Variants in TAOK1 observed in about 807,000 individuals in gnomAD.
TAOK1 encodes the protein serine/threonine-protein kinase TAO1.
Under a neutral mutation model 138.3 loss-of-function variants are expected in TAOK1, and 21 were observed. The observed-to-expected ratio is 0.15, with a 90% CI of 0.11 to 0.22. The LOEUF (loss-of-function observed/expected upper bound fraction) is 0.22, where lower values mean the gene tolerates loss of function less well. Ranked by LOEUF, TAOK1 falls within the 10% of genes least tolerant of loss-of-function variation. TAOK1 has a pLI of 1.00. For synonymous variants in TAOK1, 361 were observed against 398.4 expected (o/e 0.91, Z 1.12); for missense variants, 651 against 1,227.7 (o/e 0.53, Z 7.02).
chr17:29,448,029 T>A (rs913003954), intron 1 of TAOK1, among the ~76,000 whole-genome samples: 14 of 150,318 alleles, frequency 9.3e-5, no homozygotes, highest in South Asian at 6.3e-4. Flanking sequence ...TCTTTTTTTT[T>A]ATTATTTTTG....
intron 18 of TAOK1, among the ~76,000 whole-genome samples, chr17:29,532,660 G>C (rs2032140695): frequency 6.6e-6 from 1 of 152,086 alleles, no homozygotes. Flanking sequence ...ACCGGGTTGG[G>C]GGTAAGGTCA....
intron 10 of TAOK1, among the ~76,000 whole-genome samples, chr17:29,493,355 G>A (rs994244772): frequency 1.3e-5 from 2 of 151,832 alleles, no homozygotes; most frequent in African/African-American, 2.4e-5. Context: ...TTAGCCGGAC[G>A]TGGTGGCGCA....
chr17:29,427,688 A>T (rs572885614), intron 1 of TAOK1, among the ~76,000 whole-genome samples: 1 of 152,072 alleles, frequency 6.6e-6, no homozygotes, highest in East Asian at 1.9e-4. Context: ...GCACTTTGGG[A>T]AGCCAAGGTG....
chr17:29,523,665 C>T (rs189453414), intron 17 of TAOK1, among the ~76,000 whole-genome samples: 2 of 152,306 alleles, frequency 1.3e-5, no homozygotes, highest in East Asian at 3.9e-4. Context: ...GGATTACAGG[C>T]ATGAACCACC....
In TAOK1 at chr17:29,429,367, C is replaced by T. The variant is rs115603346; in HGVS notation, c.-94-22088C>T. Among the ~76,000 whole-genome samples the T allele has an allele frequency of 3.3e-3, 495 of 152,096 alleles. 6 individuals carry two copies. The highest frequency in any genetic ancestry group is 0.011 in the African/African-American group (474 of 41,472). ...TGGGGGACACTACACCCTCCATCTC[C>T]TGGGTTCAGGTGATTCTTGTGTCTC... is the stretch of plus-strand genomic sequence containing the variant. On this transcript the variant is annotated intron_variant, in intron 1 of 19. Coordinates refer to ENST00000261716, the MANE Select transcript of TAOK1 (RefSeq NM_020791.4).
chr17:29,404,524 T>C (rs571476685), intron 1 of TAOK1, among the ~76,000 whole-genome samples: 1 of 152,252 alleles, frequency 6.6e-6, no homozygotes, highest in African/African-American at 2.4e-5. Flanking sequence ...AGGCATGATA[T>C]CTTCCGCCTG....
rs897914487 is a variant in TAOK1, at chr17:29,425,682, CAAACA to C, written c.-94-25769_-94-25765del. ...TTGTCAAAAATGAAAAACAAACAAA[CAAACA>C]AAAAAACCAAACTTTTTACTTTAGT... On this transcript the variant is annotated intron_variant, in intron 1 of 19. Transcript: ENST00000261716. 1.4e-4 allele frequency among the ~76,000 whole-genome samples: 18 copies of C among 126,138 alleles called. No individual in the cohort carries two copies. The East Asian group carries it at 2.7e-3, about 19-fold the overall frequency. 82.8% of individuals were successfully genotyped at this position (126,138 alleles called of 152,430 possible). A position where few individuals can be genotyped will look rare whatever the true frequency, so the allele number is the denominator to read the frequency against.
At position 29,546,232 on chromosome 17, in the gene TAOK1, A is replaced by T. The variant is rs1035760974; in HGVS notation, c.*3210A>T. 1.6e-4 allele frequency: 24 copies of T among 152,224 alleles called. No individual in the cohort carries two copies. The highest frequency in any genetic ancestry group is 5.8e-4 in the African/African-American group (24 of 41,560). The allele number at this position is 152,224 out of a possible 1,614,324, so 9.4% of individuals were successfully genotyped here. A position where few individuals can be genotyped will look rare whatever the true frequency, so the allele number is the denominator to read the frequency against. On this transcript the variant is annotated 3_prime_UTR_variant, in exon 20 of 20. Coordinates refer to ENST00000261716, the MANE Select transcript of TAOK1 (RefSeq NM_020791.4). ...ATTTGAAGCCACACACACTGGTGTA[A>T]TATGCTTAGTACTCTAGGTCAAGGA...
At chr17:29,412,159 C>T (rs989808524) in intron 1 of TAOK1, among the ~76,000 whole-genome samples, 2 of 152,264 alleles carry the variant, frequency 1.3e-5, no homozygotes, top group African/African-American at 2.4e-5. Context: ...TCTCCTGCCT[C>T]GGCCTCCCGA....
chr17:29,542,704 C>T lies in TAOK1; in HGVS notation c.2688C>T (p.Ser896=). ...GFSNMVLSNL[S]PEAFSHSYPG... is the part of the protein sequence containing the mutation. Reference sequence around the variant, plus strand: ...GTAATATGGTCCTTTCTAATCTCTCCCCTGAGGCATTCAGCCACAGCTACC... The same window carrying T: ...GTAATATGGTCCTTTCTAATCTCTCTCCTGAGGCATTCAGCCACAGCTACC... Residue 896 remains serine, a synonymous_variant, in exon 20 of 20, where the codon TCC becomes TCT. Transcript: ENST00000261716. 6.2e-7 allele frequency: 1 copy of T among 1,614,208 alleles called. No individual in the cohort carries two copies. Among genetic ancestry groups the T allele is most frequent in the Non-Finnish European group, 8.5e-7 (1 of 1,180,038 alleles).
At chr17:29,469,393 CG>C (rs548454797) in intron 3 of TAOK1, among the ~76,000 whole-genome samples, 108 of 152,196 alleles carry the variant, frequency 7.1e-4, no homozygotes, top group African/African-American at 2.5e-3. Context: ...AGTGCATTCA[CG>C]TTGTGCAACC....
chr17:29,521,352 T>C (rs1190905642), intron 16 of TAOK1, among the ~76,000 whole-genome samples: 1 of 152,256 alleles, frequency 6.6e-6, no homozygotes, highest in Non-Finnish European at 1.5e-5. Flanking sequence ...CTGTGAGGTC[T>C]AAAATAAAGG....
At chr17:29,418,951 T>C (rs1324535015) in intron 1 of TAOK1, among the ~76,000 whole-genome samples, 1 of 143,226 alleles carries the variant, frequency 7.0e-6, no homozygotes, top group Non-Finnish European at 1.5e-5. Context: ...TTTTTTTATG[T>C]ATGTTTTAGA....
chr17:29,436,325 A>G (rs901346573), intron 1 of TAOK1, among the ~76,000 whole-genome samples: 4 of 152,220 alleles, frequency 2.6e-5, no homozygotes, highest in African/African-American at 9.6e-5. Context: ...TTGACTCTGA[A>G]AAACCAAACA....
chr17:29,406,817 C>T (rs977442233), intron 1 of TAOK1, among the ~76,000 whole-genome samples: 5 of 152,146 alleles, frequency 3.3e-5, no homozygotes, highest in Admixed American at 1.3e-4. Flanking sequence ...ATCCTCACAC[C>T]TCGGCCTCCC....
rs1417722923 is a variant in TAOK1 at position 29,495,550 on chromosome 17, C to T, written c.832-10C>T. On this transcript the variant is annotated splice_polypyrimidine_tract_variant and intron_variant, in intron 10 of 19. Coordinates refer to ENST00000261716, the MANE Select transcript of TAOK1 (RefSeq NM_020791.4). Reference sequence around the variant, plus strand: ...AAAAAAATCAACCTTTTACCTTCTACCCTATCTAGCACATATTTGTTCTTC... The same window carrying T: ...AAAAAAATCAACCTTTTACCTTCTATCCTATCTAGCACATATTTGTTCTTC... The T allele has an allele frequency of 1.3e-6, 2 of 1,563,388 alleles. No homozygotes were observed. Among genetic ancestry groups the T allele is most frequent in the Admixed American group, 1.8e-5 (1 of 55,792 alleles).
intron 8 of TAOK1, 123 bp from the exon 9 acceptor site, chr17:29,489,541 T>C (rs962922116): frequency 2.2e-5 from 14 of 642,366 alleles, no homozygotes; most frequent in Non-Finnish European, 3.6e-5. Flanking sequence ...TACTTGCAAT[T>C]TTTTGTGTAA....
intron 16 of TAOK1, among the ~76,000 whole-genome samples, chr17:29,518,945 T>A (rs934987667): frequency 2.6e-5 from 4 of 151,980 alleles, no homozygotes; most frequent in Admixed American, 2.0e-4. Flanking sequence ...TTTTGTATTT[T>A]TAGTAGAGAC....
intron 1 of TAOK1, among the ~76,000 whole-genome samples, chr17:29,431,182 A>T (rs1307205484): frequency 1.3e-5 from 2 of 151,634 alleles, no homozygotes; most frequent in Non-Finnish European, 1.5e-5. Flanking sequence ...GTTTAAAAAA[A>T]CTCCCCCTTT....
Sources: gnomAD v4.1 joint callset for allele counts (sites outside exome capture counted in the v4.1 genomes callset) on GRCh38, gnomAD v4.1.1 for gene constraint, MANE v1.5 for transcripts, NCBI Gene and HGNC (gene_info 2026-07-23, HGNC 2026-07-21) for gene names.